The following ACER3 variants were observed in gnomAD, a reference collection of about 807,000 sequenced individuals.
The protein encoded by ACER3 is alkaline ceramidase 3, also known as alkCDase 3.
A neutral mutation model predicts 48.9 loss-of-function variants in ACER3; 16 were observed. The ratio of observed to expected loss-of-function variants is 0.33; its 90% CI spans 0.22 to 0.50. The LOEUF is 0.50. Ranked by LOEUF, ACER3 falls within the 20% of genes least tolerant of loss-of-function variation. The probability of loss-of-function intolerance (pLI) is 0.98; values close to 1 mark genes in which losing one functional copy is unlikely to be tolerated. For missense variants in ACER3, 227 were observed against 326.0 expected (o/e 0.70, Z 2.34); for synonymous variants, 109 against 107.8 (o/e 1.01, Z -0.07).
At chr11:76,922,313 C>T (rs1379330969) in intron 1 of ACER3, among the ~76,000 whole-genome samples, 1 of 152,136 alleles carries the variant, frequency 6.6e-6, no homozygotes, top group African/African-American at 2.4e-5. Flanking sequence ...ATACTATTGA[C>T]ATTTCAGCTA....
chr11:77,019,046 G>C (rs191280361), intron 9 of ACER3, among the ~76,000 whole-genome samples: 1 of 152,206 alleles, frequency 6.6e-6, no homozygotes, highest in African/African-American at 2.4e-5. Context: ...AAGTCAATGC[G>C]TGGCTTCAAA....
intron 2 of ACER3, among the ~76,000 whole-genome samples, chr11:76,927,647 C>T (rs889021628): frequency 2.0e-5 from 3 of 149,814 alleles, no homozygotes; most frequent in African/African-American, 7.3e-5. Context: ...GGGTGATGTT[C>T]CCCACCCTGT....
intron 1 of ACER3, among the ~76,000 whole-genome samples, chr11:76,903,453 A>G (rs373538897): frequency 3.5e-4 from 6 of 17,062 alleles, no homozygotes; most frequent in Non-Finnish European, 1.0e-3. Flanking sequence ...CCACCCCCCC[A>G]CCCGCCCCCG....
Position 77,021,411 on chromosome 11 carries a change from G to C in ACER3, c.*1084G>C, listed in dbSNP as rs1170064620. 1 of 152,104 alleles carries C rather than the reference G, an allele frequency of 6.6e-6. No individual in the cohort carries two copies. Among genetic ancestry groups the C allele is most frequent in the Non-Finnish European group, 1.5e-5 (1 of 68,004 alleles). 9.4% of individuals were successfully genotyped at this position (152,104 alleles called of 1,614,324 possible). A position where few individuals can be genotyped will look rare whatever the true frequency, so the allele number is the denominator to read the frequency against. On this transcript the variant is annotated 3_prime_UTR_variant, in exon 11 of 11. Transcript: ENST00000532485. The stretch of plus-strand genomic sequence containing the variant: ...AAACCTACAGAACCGACAAAAATTA[G>C]GGTGCTAAAAAAATGACAGTGAAAT...
At chr11:76,934,534 G>A (rs890631589) in intron 2 of ACER3, among the ~76,000 whole-genome samples, 3 of 152,352 alleles carry the variant, frequency 2.0e-5, no homozygotes, top group South Asian at 2.1e-4. Context: ...AAAAAAATAC[G>A]AAAACCAGTC....
intron 1 of ACER3, among the ~76,000 whole-genome samples, chr11:76,878,496 C>G (rs1246007488): frequency 2.0e-5 from 3 of 151,832 alleles, no homozygotes; most frequent in African/African-American, 7.3e-5. Flanking sequence ...TGAGATTTTT[C>G]TATGTGTTGT....
intron 2 of ACER3, among the ~76,000 whole-genome samples, chr11:76,929,069 G>A (rs150571737): frequency 0.058 from 8,757 of 152,176 alleles, 348 homozygotes; most frequent in Middle Eastern, 0.092. Context: ...CCATTTTCAC[G>A]ATATTGATTC....
At position 76,933,173 on chromosome 11, in the gene ACER3, C is replaced by CATATATATATATATATAT. The variant is rs144524712; in HGVS notation, c.214+6509_214+6526dup. Among the ~76,000 whole-genome samples the CATATATATATATATATAT allele has an allele frequency of 4.4e-3, 570 of 129,548 alleles. 9 individuals carry two copies. The highest frequency in any genetic ancestry group is 0.022 in the East Asian group (91 of 4,196). The allele number at this position is 129,548 out of a possible 152,430, so 85.0% of individuals were successfully genotyped here. On this transcript the variant is annotated intron_variant, in intron 2 of 10. Transcript: ENST00000532485. ...TGCTTCCCCAAATATATACGTATTT[C>CATATATATATATATATAT]ATATATATATATATATATATGAAAC...
At chr11:77,011,403 A>G in intron 7 of ACER3, 1 of 983,480 alleles carries the variant, frequency 1.0e-6, no homozygotes, top group East Asian at 1.1e-4. Flanking sequence ...CAGAAAACAG[A>G]TAGCACCCTA....
intron 1 of ACER3, among the ~76,000 whole-genome samples, chr11:76,876,944 A>G (rs1565154731): frequency 1.3e-5 from 2 of 152,226 alleles, no homozygotes; most frequent in Non-Finnish European, 2.9e-5. Flanking sequence ...TTATTCAGCA[A>G]TAAATAACTG....
At chr11:76,931,561 T>C (rs2134846970) in intron 2 of ACER3, among the ~76,000 whole-genome samples, 1 of 152,330 alleles carries the variant, frequency 6.6e-6, no homozygotes, top group East Asian at 1.9e-4. Flanking sequence ...TTCCTAGCAT[T>C]GATGGTCTTT....
At chr11:76,996,416 TA>T (rs1267436722) in intron 6 of ACER3, among the ~76,000 whole-genome samples, 74 of 150,998 alleles carry the variant, frequency 4.9e-4, no homozygotes, top group South Asian at 6.3e-4. Flanking sequence ...TTATTATTAT[TA>T]TTATTATTAT....
intron 1 of ACER3, among the ~76,000 whole-genome samples, chr11:76,926,188 A>G (rs1843180151): frequency 6.6e-6 from 1 of 152,190 alleles, no homozygotes; most frequent in South Asian, 2.1e-4. Flanking sequence ...TCATCATGTC[A>G]TACTGCATCC....
At position 77,020,528 on chromosome 11, in the gene ACER3, TC is replaced by T; in HGVS notation, c.*206del. Reference sequence around the variant, plus strand: ...TTAGCTCATGGCTTTATCTTATTTGTCCCCCTCCTCCTTTCACGCTCCAGTT... The same window carrying T: ...TTAGCTCATGGCTTTATCTTATTTGTCCCCTCCTCCTTTCACGCTCCAGTT... On this transcript the variant is annotated 3_prime_UTR_variant, in exon 11 of 11. Coordinates refer to ENST00000532485, the MANE Select transcript of ACER3 (RefSeq NM_018367.7). The T allele has an allele frequency of 5.5e-6, 3 of 543,160 alleles. No individual in the cohort carries two copies. The highest frequency in any genetic ancestry group is 9.8e-6 in the Non-Finnish European group (3 of 306,242). The allele number at this position is 543,160 out of a possible 1,614,324, so 33.6% of individuals were successfully genotyped here. A position where few individuals can be genotyped will look rare whatever the true frequency, so the allele number is the denominator to read the frequency against.
chr11:76,926,524 A>G, intron 1 of ACER3, 33 bp from the exon 2 acceptor site: 5 of 1,336,528 alleles, frequency 3.7e-6, no homozygotes, highest in Non-Finnish European at 5.3e-6. Flanking sequence ...TTATTGATTA[A>G]CCTAAATGTC....
chr11:76,920,245 A>G (rs945751188), intron 1 of ACER3, among the ~76,000 whole-genome samples: 1 of 152,178 alleles, frequency 6.6e-6, no homozygotes, highest in African/African-American at 2.4e-5. Flanking sequence ...GGCTGTCAGC[A>G]GCACCTAGTG....
intron 6 of ACER3, among the ~76,000 whole-genome samples, chr11:76,993,452 A>G (rs572250330): frequency 2.6e-5 from 4 of 152,342 alleles, no homozygotes; most frequent in Non-Finnish European, 5.9e-5. Flanking sequence ...AGTAATACAG[A>G]CTTGTAAAAA....
At chr11:77,012,598 T>G (rs1317085318) in intron 7 of ACER3, among the ~76,000 whole-genome samples, 2 of 152,152 alleles carry the variant, frequency 1.3e-5, no homozygotes, top group African/African-American at 4.8e-5. Flanking sequence ...AGGATTAAAT[T>G]TAACAAAATA....
intron 1 of ACER3, among the ~76,000 whole-genome samples, chr11:76,867,910 T>C (rs1945136990): frequency 6.6e-6 from 1 of 152,182 alleles, no homozygotes; most frequent in African/African-American, 2.4e-5. Context: ...TCATAGGAAG[T>C]GGGCAGAAGG....
Sources: gnomAD v4.1 joint callset for allele counts (sites outside exome capture counted in the v4.1 genomes callset) on GRCh38, gnomAD v4.1.1 for gene constraint, MANE v1.5 for transcripts, NCBI Gene and HGNC (gene_info 2026-07-23, HGNC 2026-07-21) for gene names.